EFCAB6: variants seen among roughly 807,000 people sequenced by gnomAD.
EFCAB6 encodes the protein EF-hand calcium-binding domain-containing protein 6.
In EFCAB6, 156 loss-of-function variants were observed where a neutral mutation model predicts 169.8. The observed-to-expected ratio is 0.92, with a 90% CI of 0.81 to 1.05. The LOEUF is 1.05. EFCAB6 is among the 50% of genes least tolerant of loss of function. EFCAB6 has a pLI of 0.00. For missense variants in EFCAB6, 1,800 were observed against 1,829.1 expected (o/e 0.98, Z 0.29); for synonymous variants, 698 against 676.4 (o/e 1.03, Z -0.50).
At chr22:43,745,337 C>T (rs2060521048) in intron 6 of EFCAB6, among the ~76,000 whole-genome samples, 1 of 152,242 alleles carries the variant, frequency 6.6e-6, no homozygotes, top group African/African-American at 2.4e-5. Flanking sequence ...CTGGCACTAA[C>T]GTGGCCCTTC....
intron 27 of EFCAB6, among the ~76,000 whole-genome samples, chr22:43,547,448 A>C (rs1323343432): frequency 6.6e-6 from 1 of 152,216 alleles, no homozygotes; most frequent in Non-Finnish European, 1.5e-5. Context: ...AATTTAAAAA[A>C]TCTCAATCTG....
chr22:43,726,514 G>GA (rs1366197265), intron 8 of EFCAB6, among the ~76,000 whole-genome samples: 11 of 152,244 alleles, frequency 7.2e-5, no homozygotes, highest in Non-Finnish European at 1.6e-4. Context: ...CTTACTCAGT[G>GA]AATTTCTTGT....
intron 8 of EFCAB6, among the ~76,000 whole-genome samples, chr22:43,719,977 C>T (rs1053821376): frequency 1.3e-5 from 2 of 152,070 alleles, no homozygotes; most frequent in Admixed American, 6.5e-5. Flanking sequence ...GAATAGCCAC[C>T]ATGAAATTTG....
chr22:43,584,105 T>C (rs147599817), intron 24 of EFCAB6, among the ~76,000 whole-genome samples: 242 of 152,314 alleles, frequency 1.6e-3, no homozygotes, highest in African/African-American at 5.7e-3. Context: ...AGGAAGGAAC[T>C]GGTTGTGGCT....
In EFCAB6 at chr22:43,735,905, C is replaced by G. The variant is rs1256505774; in HGVS notation, c.596G>C (p.Arg199Thr). 6.2e-7 allele frequency: 1 copy of G among 1,614,184 alleles called. No homozygotes were observed. Among genetic ancestry groups the G allele is most frequent in the African/African-American group, 1.3e-5 (1 of 75,056 alleles). ...CTTCATACAGAAGGTCTCCAGAACCCTTCTTAGCTCCTGCGGTCGAACCAG... is the reference window on the plus strand; with the variant it reads ...CTTCATACAGAAGGTCTCCAGAACCGTTCTTAGCTCCTGCGGTCGAACCAG... ...TGLVRPQELR[R>T]VLETFCMKLR... Residue 199 changes from arginine (R) to threonine (T), a missense_variant, in exon 7 of 32, where the codon AGG becomes ACG. Arg to Thr is a moderately conservative substitution (Grantham distance 71). Coordinates refer to ENST00000262726, the MANE Select transcript of EFCAB6 (RefSeq NM_022785.4).
intron 27 of EFCAB6, among the ~76,000 whole-genome samples, chr22:43,548,885 C>T (rs1447040949): frequency 6.6e-6 from 1 of 152,092 alleles, no homozygotes; most frequent in Non-Finnish European, 1.5e-5. Context: ...AAAAAAAGAC[C>T]ACACATCAGA....
chr22:43,591,066 C>T (rs1178144922), intron 23 of EFCAB6, among the ~76,000 whole-genome samples: 1 of 151,236 alleles, frequency 6.6e-6, no homozygotes, highest in Non-Finnish European at 1.5e-5. Context: ...CCATGAAGTG[C>T]CAAAGACCCC....
chr22:43,712,299 T>G (rs1044618849), intron 9 of EFCAB6, among the ~76,000 whole-genome samples: 5 of 150,638 alleles, frequency 3.3e-5, no homozygotes, highest in Non-Finnish European at 5.9e-5. Context: ...ATAACAATAT[T>G]CTCCAATATC....
rs879059227 is a variant in EFCAB6, at chr22:43,540,059, TC to T, written c.3879+67del. 1.2e-5 allele frequency: 19 copies of T among 1,563,212 alleles called. 1 individual carries two copies. In the South Asian group the frequency reaches 1.3e-4, roughly 10 times the overall value. On this transcript the variant is annotated intron_variant, in intron 28 of 31. Coordinates refer to ENST00000262726, the MANE Select transcript of EFCAB6 (RefSeq NM_022785.4). Reference sequence around the variant, plus strand: ...CTGGGCCATAGTAGGGCCCCCAAAGTCCCCCCAGTGGGATTTGTGGATGTGG... The same window carrying T: ...CTGGGCCATAGTAGGGCCCCCAAAGTCCCCCAGTGGGATTTGTGGATGTGG...
chr22:43,569,397 T>C (rs931034495), intron 26 of EFCAB6, among the ~76,000 whole-genome samples: 2 of 152,254 alleles, frequency 1.3e-5, no homozygotes, highest in African/African-American at 4.8e-5. Flanking sequence ...TTAGTGCAGA[T>C]ACTGGGGCAG....
Position 43,711,591 on chromosome 22 carries a change from G to A in EFCAB6, c.915C>T (p.Ala305=), listed in dbSNP as rs112335721. ...CTTTACAGGGGTCCCCTGCACTGAG[G>A]GCCTTTTCAACCTTTTCATAAGACT... ...LSKSYEKVEK[A]LSAGDPCKGG... The change falls in exon 10 of 32, where the codon GCC becomes GCT. Residue 305 remains alanine, a synonymous_variant. Transcript: ENST00000262726. 2,964 of 1,588,132 alleles carry A rather than the reference G, an allele frequency of 1.9e-3. 51 individuals are homozygous for A. The African/African-American group carries it at 0.037, about 20-fold the overall frequency.
intron 13 of EFCAB6, among the ~76,000 whole-genome samples, chr22:43,677,304 TAAA>T (rs991704957): frequency 1.2e-4 from 18 of 152,182 alleles, no homozygotes; most frequent in African/African-American, 3.9e-4. Context: ...TACGAAACTC[TAAA>T]AACATGAATG....
intron 23 of EFCAB6, among the ~76,000 whole-genome samples, chr22:43,594,185 G>T (rs1454621183): frequency 6.8e-6 from 1 of 146,922 alleles, no homozygotes; most frequent in Non-Finnish European, 1.5e-5. Context: ...TGAGGCAGGA[G>T]AATCGCTTGA....
chr22:43,661,100 C>A (rs2056977908), intron 17 of EFCAB6, among the ~76,000 whole-genome samples: 1 of 152,158 alleles, frequency 6.6e-6, no homozygotes, highest in Admixed American at 6.6e-5. Context: ...GTCGGCTAGG[C>A]GCGGTGGCTC....
intron 19 of EFCAB6, among the ~76,000 whole-genome samples, chr22:43,630,115 G>A (rs1319480138): frequency 2.0e-5 from 3 of 152,164 alleles, no homozygotes; most frequent in Admixed American, 1.3e-4. Context: ...CCTGGGCAAC[G>A]TAGCAAGACT....
intron 20 of EFCAB6, among the ~76,000 whole-genome samples, chr22:43,619,061 T>C (rs1222140325): frequency 6.6e-6 from 1 of 152,054 alleles, no homozygotes; most frequent in Non-Finnish European, 1.5e-5. Context: ...GGGGAGATCA[T>C]AGAGAAGAGA....
intron 24 of EFCAB6, among the ~76,000 whole-genome samples, chr22:43,586,148 TAAC>T (rs1282062436): frequency 1.3e-5 from 2 of 152,106 alleles, no homozygotes; most frequent in Middle Eastern, 3.4e-3. Flanking sequence ...GGAGTAATAA[TAAC>T]AACCATGTGT....
intron 13 of EFCAB6, 103 bp downstream of exon 13, chr22:43,677,893 C>T (rs919184753): frequency 5.8e-6 from 7 of 1,199,226 alleles, no homozygotes; most frequent in Admixed American, 2.5e-5. Flanking sequence ...ACTGTAAAGT[C>T]GTTAATTTAT....
At chr22:43,650,392 T>C (rs2056409707) in intron 17 of EFCAB6, among the ~76,000 whole-genome samples, 1 of 152,220 alleles carries the variant, frequency 6.6e-6, no homozygotes. Flanking sequence ...CCGCCATCCA[T>C]GTAAGATGAG....
Sources: gnomAD v4.1 joint callset for allele counts (sites outside exome capture counted in the v4.1 genomes callset) on GRCh38, gnomAD v4.1.1 for gene constraint, MANE v1.5 for transcripts, NCBI Gene and HGNC (gene_info 2026-07-23, HGNC 2026-07-21) for gene names.